ROBO2: variants seen among roughly 807,000 people sequenced by gnomAD.
ROBO2 encodes roundabout homolog 2.
In ROBO2, 53 loss-of-function variants were observed where a neutral mutation model predicts 160.8. That is an observed-to-expected ratio of 0.33 (90% CI 0.26 to 0.41). ROBO2 has a LOEUF of 0.41. Ranked by LOEUF, ROBO2 falls within the 10% of genes least tolerant of loss-of-function variation. The pLI, the probability that ROBO2 is intolerant of heterozygous loss-of-function variation, is 1.00. For synonymous variants in ROBO2, 664 were observed against 611.7 expected (o/e 1.09, Z -1.26); for missense variants, 1,577 against 1,722.4 (o/e 0.92, Z 1.49).
chr3:77,541,318 A>G (rs948908386), intron 6 of ROBO2, among the ~76,000 whole-genome samples: 3 of 152,154 alleles, frequency 2.0e-5, no homozygotes, highest in African/African-American at 7.2e-5. Context: ...CAACTCATGC[A>G]CGGCCTGTGC....
intron 2 of ROBO2, among the ~76,000 whole-genome samples, chr3:75,960,721 G>A (rs534829787): frequency 2.0e-5 from 3 of 151,682 alleles, no homozygotes; most frequent in South Asian, 4.1e-4. Flanking sequence ...CAGTAGGCAA[G>A]TAAACTATAT....
At chr3:77,621,009 T>C (rs1237625939) in intron 22 of ROBO2, among the ~76,000 whole-genome samples, 1 of 152,180 alleles carries the variant, frequency 6.6e-6, no homozygotes, top group Non-Finnish European at 1.5e-5. Flanking sequence ...CATTTTATGG[T>C]TTAGAAGAAA....
chr3:77,472,826 G>C (rs1239772962), intron 2 of ROBO2, among the ~76,000 whole-genome samples: 1 of 152,180 alleles, frequency 6.6e-6, no homozygotes, highest in African/African-American at 2.4e-5. Context: ...AAAGATGAAA[G>C]ATAAATATTG....
chr3:76,030,841 G>C (rs1326883287), intron 2 of ROBO2, among the ~76,000 whole-genome samples: 1 of 152,070 alleles, frequency 6.6e-6, no homozygotes, highest in Non-Finnish European at 1.5e-5. Context: ...GATTGTCTTG[G>C]CAATACAGGC....
chr3:77,470,418 T>G (rs1052717201), intron 2 of ROBO2, among the ~76,000 whole-genome samples: 1 of 152,168 alleles, frequency 6.6e-6, no homozygotes, highest in African/African-American at 2.4e-5. Context: ...ACCCAGATGA[T>G]ATTGCAAATC....
Position 77,324,352 on chromosome 3 carries a change from T to A in ROBO2, c.389-153062T>A, listed in dbSNP as rs114087655. Among the ~76,000 whole-genome samples, 1,326 of 152,304 alleles carry A rather than the reference T, an allele frequency of 8.7e-3. 21 individuals carry two copies. Among genetic ancestry groups the A allele is most frequent in the African/African-American group, 0.029 (1,226 of 41,568 alleles). ...ACCAACTGTGATGAAAAACTGCATC[T>A]GTGAGTAATGCTACTTACTGGCAAA... On this transcript the variant is annotated intron_variant, in intron 2 of 25. Coordinates refer to ENST00000461745, the Ensembl canonical transcript of ROBO2.
intron 2 of ROBO2, among the ~76,000 whole-genome samples, chr3:77,300,487 G>A (rs1174997992): frequency 6.6e-6 from 1 of 151,672 alleles, no homozygotes; most frequent in Non-Finnish European, 1.5e-5. Context: ...TTCTAATTTT[G>A]AAGAGGTTAT....
intron 8 of ROBO2, 71 bp from the exon 10 acceptor site, chr3:77,557,873 T>G: frequency 1.7e-6 from 2 of 1,206,904 alleles, no homozygotes; most frequent in Non-Finnish European, 2.5e-6. Flanking sequence ...AACCTTACTT[T>G]CAGTGTCAAT....
rs573386147 is a variant in ROBO2 at position 76,956,942 on chromosome 3, A to G, written c.110-141072A>G. Reference sequence around the variant, plus strand: ...CTCATCTAATAACTAAATGTATACAATTCCTATGTCACTGATTTGAAAACC... The same window carrying G: ...CTCATCTAATAACTAAATGTATACAGTTCCTATGTCACTGATTTGAAAACC... On this transcript the variant is annotated intron_variant, in intron 2 of 26. Coordinates refer to the ROBO2 transcript ENST00000487694. Among the ~76,000 whole-genome samples the G allele has an allele frequency of 2.6e-5, 4 of 152,170 alleles. No individual in the cohort carries two copies. The East Asian group carries it at 7.7e-4, about 29-fold the overall frequency.
intron 2 of ROBO2, among the ~76,000 whole-genome samples, chr3:77,349,846 C>T (rs1167425716): frequency 6.6e-6 from 1 of 151,996 alleles, no homozygotes; most frequent in Non-Finnish European, 1.5e-5. Context: ...CACAAAACAG[C>T]CTTATGATTA....
intron 2 of ROBO2, among the ~76,000 whole-genome samples, chr3:77,330,551 C>T (rs2065874972): frequency 6.6e-6 from 1 of 152,160 alleles, no homozygotes. Context: ...AAAGATTATA[C>T]TTATACTTGA....
At chr3:76,805,367 GCTTT>G (rs1166687850) in intron 2 of ROBO2, among the ~76,000 whole-genome samples, 1 of 151,694 alleles carries the variant, frequency 6.6e-6, no homozygotes, top group Non-Finnish European at 1.5e-5. Context: ...TTCCTTGAGT[GCTTT>G]CTTTCTATCA....
chr3:76,400,650 T>A (rs1282550167), intron 2 of ROBO2, among the ~76,000 whole-genome samples: 2 of 151,594 alleles, frequency 1.3e-5, no homozygotes, highest in Non-Finnish European at 3.0e-5. Flanking sequence ...TCATCACACA[T>A]CTGATACATA....
chr3:77,288,305 G>A (rs911729129), intron 2 of ROBO2, among the ~76,000 whole-genome samples: 1 of 152,170 alleles, frequency 6.6e-6, no homozygotes, highest in Non-Finnish European at 1.5e-5. Context: ...TTAACATAAG[G>A]CAAAAACATT....
chr3:77,617,889 G>C, intron 22 of ROBO2, 116 bp downstream of exon 23: 1 of 1,145,726 alleles, frequency 8.7e-7, no homozygotes, highest in Admixed American at 2.1e-5. Flanking sequence ...AAGTGATTTT[G>C]TATGACTCCT....
chr3:76,585,274 A>G (rs2085960956), intron 2 of ROBO2, among the ~76,000 whole-genome samples: 1 of 152,228 alleles, frequency 6.6e-6, no homozygotes, highest in Non-Finnish European at 1.5e-5. Flanking sequence ...AAAAGTTAAT[A>G]CAATTATACA....
chr3:76,124,600 C>G (rs1033089574), intron 2 of ROBO2, among the ~76,000 whole-genome samples: 37 of 151,780 alleles, frequency 2.4e-4, no homozygotes, highest in Non-Finnish European at 1.5e-4. Flanking sequence ...TTCTGTGAGC[C>G]CTTTAATAAG....
intron 2 of ROBO2, among the ~76,000 whole-genome samples, chr3:76,978,049 T>C (rs1345318169): frequency 6.6e-6 from 1 of 152,236 alleles, no homozygotes; most frequent in Non-Finnish European, 1.5e-5. Flanking sequence ...TGTTTGCATA[T>C]GACCTTGCAA....
chr3:77,068,254 T>C (rs2067064414), intron 1 of ROBO2, among the ~76,000 whole-genome samples: 1 of 152,124 alleles, frequency 6.6e-6, no homozygotes, highest in African/African-American at 2.4e-5. Context: ...TTAATTGATA[T>C]AAGAAAATAT....
Sources: gnomAD v4.1 joint callset for allele counts (sites outside exome capture counted in the v4.1 genomes callset) on GRCh38, gnomAD v4.1.1 for gene constraint, MANE v1.5 for transcripts, NCBI Gene and HGNC (gene_info 2026-07-23, HGNC 2026-07-21) for gene names.